Variants in ANKDD1B observed in about 807,000 individuals in gnomAD.
ANKDD1B encodes the protein ankyrin repeat and death domain-containing protein 1B.
ANKDD1B carries 57 observed loss-of-function variants against 59.7 expected under a neutral mutation model. The observed-to-expected ratio is 0.95, with a 90% CI of 0.77 to 1.19. The LOEUF (loss-of-function observed/expected upper bound fraction) is 1.19, where lower values mean the gene tolerates loss of function less well. Among genes scored for constraint, ANKDD1B ranks in the 50% most tolerant of loss-of-function variants. The pLI is 0.00. For synonymous variants in ANKDD1B, 216 were observed against 239.5 expected, an observed-to-expected ratio of 0.90 and a Z score of 0.91; for missense variants, 602 against 641.9, an observed-to-expected ratio of 0.94 and a Z score of 0.67.
rs1240996506 is a variant in ANKDD1B at position 75,671,352 on chromosome 5, T to G, written c.*312T>G. On this transcript the variant is annotated 3_prime_UTR_variant, in exon 14 of 14. Coordinates refer to ENST00000601380, the MANE Select transcript of ANKDD1B (RefSeq NM_001276713.2). ...TTTTAAAAAACTCATGGGAGCAGCA[T>G]CATGGTACAGTAAAAAAACAAGGGT... 5.0e-6 allele frequency: 1 copy of G among 199,908 alleles called. No homozygotes were observed. The highest frequency in any genetic ancestry group is 1.0e-5 in the Non-Finnish European group (1 of 99,684). The allele number at this position is 199,908 out of a possible 1,614,324, so 12.4% of individuals were successfully genotyped here. A position where few individuals can be genotyped will look rare whatever the true frequency, so the allele number is the denominator to read the frequency against.
chr5:75,622,541 C>T (rs1280142527), intron 3 of ANKDD1B, among the ~76,000 whole-genome samples: 1 of 152,150 alleles, frequency 6.6e-6, no homozygotes, highest in Non-Finnish European at 1.5e-5. Flanking sequence ...GAGGCTCTTA[C>T]TCCAGACAGG....
At chr5:75,640,065 ATGAGGTCTCACTC>A (rs1774423658) in intron 7 of ANKDD1B, among the ~76,000 whole-genome samples, 1 of 149,320 alleles carries the variant, frequency 6.7e-6, no homozygotes. Context: ...TTGTTTTGAG[ATGAGGTCTCACTC>A]TGTTGTCTAG....
intron 9 of ANKDD1B, among the ~76,000 whole-genome samples, chr5:75,658,508 C>T (rs1775033618): frequency 6.6e-6 from 1 of 152,160 alleles, no homozygotes; most frequent in Admixed American, 6.5e-5. Flanking sequence ...AAAATGATTA[C>T]TCCAGAAGGA....
chr5:75,622,761 G>T (rs908978745), intron 3 of ANKDD1B, among the ~76,000 whole-genome samples: 1 of 152,148 alleles, frequency 6.6e-6, no homozygotes, highest in Admixed American at 6.5e-5. Flanking sequence ...AACTGTGAGT[G>T]TAATTTGTGA....
At chr5:75,648,253 TAAAAAAAAAAAATTAA>T (rs1465728844) in intron 7 of ANKDD1B, among the ~76,000 whole-genome samples, 3 of 37,294 alleles carry the variant, frequency 8.0e-5, no homozygotes, top group African/African-American at 2.9e-4. Context: ...AAAGTATAAT[TAAAAAAAAAAAATTAA>T]AAAAAAAAAA....
chr5:75,629,496 G>C (rs1414026726), intron 5 of ANKDD1B, among the ~76,000 whole-genome samples: 1 of 151,804 alleles, frequency 6.6e-6, no homozygotes. Context: ...CCACTTAATG[G>C]CTATTTATGA....
chr5:75,632,242 T>C (rs574410842), intron 5 of ANKDD1B, among the ~76,000 whole-genome samples: 1 of 152,096 alleles, frequency 6.6e-6, no homozygotes, highest in East Asian at 1.9e-4. Context: ...ACCCAAACCA[T>C]ACTAAGGAAA....
intron 2 of ANKDD1B, among the ~76,000 whole-genome samples, chr5:75,617,378 T>C (rs1039803207): frequency 6.6e-6 from 1 of 152,210 alleles, no homozygotes; most frequent in Non-Finnish European, 1.5e-5. Flanking sequence ...GGTTTTGAAA[T>C]GTAGTGCGTC....
chr5:75,667,064 G>GTGT (rs1775326946), intron 12 of ANKDD1B, 71 bp downstream of exon 12: 1 of 1,038,814 alleles, frequency 9.6e-7, no homozygotes, highest in African/African-American at 1.6e-5. Flanking sequence ...CTGGTGTGAG[G>GTGT]TCTTCCAAGG....
At chr5:75,654,846 G>A (rs1230882627) in intron 8 of ANKDD1B, among the ~76,000 whole-genome samples, 4 of 151,934 alleles carry the variant, frequency 2.6e-5, no homozygotes, top group Non-Finnish European at 5.9e-5. Context: ...GTTCCCTCTC[G>A]CCACTCGCTT....
chr5:75,636,426 CAGAAATTGAGGAT>C (rs771731003), intron 7 of ANKDD1B, among the ~76,000 whole-genome samples: 3 of 151,984 alleles, frequency 2.0e-5, no homozygotes, highest in Non-Finnish European at 4.4e-5. Flanking sequence ...CTCAGGGTGG[CAGAAATTGAGGAT>C]AGGAGTGCTG....
At chr5:75,625,012 G>A (rs1306185883) in intron 3 of ANKDD1B, among the ~76,000 whole-genome samples, 7 of 151,974 alleles carry the variant, frequency 4.6e-5, no homozygotes, top group African/African-American at 9.7e-5. Context: ...ATGTTGATAG[G>A]CTTTTATCTT....
intron 3 of ANKDD1B, among the ~76,000 whole-genome samples, chr5:75,623,215 G>A (rs895865582): frequency 3.3e-5 from 5 of 152,008 alleles, no homozygotes; most frequent in African/African-American, 1.2e-4. Context: ...ACAGGCATGC[G>A]CCACCATGCC....
chr5:75,611,834 C>G lies in ANKDD1B; in HGVS notation c.193+7C>G, dbSNP rs555886692. The G allele has an allele frequency of 2.2e-4, 269 of 1,231,908 alleles. No individual in the cohort carries two copies. The African/African-American group carries it at 3.8e-3, about 17-fold the overall frequency. 76.3% of individuals were successfully genotyped at this position (1,231,908 alleles called of 1,614,324 possible). On this transcript the variant is annotated splice_region_variant and intron_variant, in intron 1 of 13. Coordinates refer to ENST00000601380, the MANE Select transcript of ANKDD1B (RefSeq NM_001276713.2). ...GTTGCCGGACACGAGCTCCGTGAGT[C>G]CCGGGACGAGGTCTCAGAAAATCAG...
intron 5 of ANKDD1B, among the ~76,000 whole-genome samples, chr5:75,628,811 G>A (rs1166107509): frequency 6.6e-6 from 1 of 152,192 alleles, no homozygotes; most frequent in African/African-American, 2.4e-5. Context: ...GGCCTTTCCA[G>A]GGGAGAGAGA....
chr5:75,653,519 A>G (rs1774884667), intron 8 of ANKDD1B, among the ~76,000 whole-genome samples: 1 of 152,246 alleles, frequency 6.6e-6, no homozygotes, highest in African/African-American at 2.4e-5. Context: ...TCATACGTCT[A>G]GAGATGCCAT....
At chr5:75,642,460 C>CA (rs1774499928) in intron 7 of ANKDD1B, among the ~76,000 whole-genome samples, 1 of 141,150 alleles carries the variant, frequency 7.1e-6, no homozygotes, top group South Asian at 2.5e-4. Context: ...AGGGAGTTCC[C>CA]TTTCCGAGTC....
intron 9 of ANKDD1B, among the ~76,000 whole-genome samples, chr5:75,657,397 C>CT (rs1775004616): frequency 1.3e-5 from 2 of 151,776 alleles, no homozygotes; most frequent in Non-Finnish European, 2.9e-5. Flanking sequence ...TGTTTGAAGT[C>CT]CCCAGCAAAG....
chr5:75,657,499 T>G (rs1458385685), intron 9 of ANKDD1B, among the ~76,000 whole-genome samples: 1 of 152,206 alleles, frequency 6.6e-6, no homozygotes, highest in African/African-American at 2.4e-5. Context: ...TTTGATACAT[T>G]CCATTTTCAT....
Sources: gnomAD v4.1 joint callset for allele counts (sites outside exome capture counted in the v4.1 genomes callset) on GRCh38, gnomAD v4.1.1 for gene constraint, MANE v1.5 for transcripts, NCBI Gene and HGNC (gene_info 2026-07-23, HGNC 2026-07-21) for gene names.